Variants in CYP2J2 observed in about 807,000 individuals in gnomAD.
CYP2J2 encodes cytochrome P450 family 2 subfamily J member 2.
In CYP2J2, 41 loss-of-function variants were observed where a neutral mutation model predicts 48.8. The ratio of observed to expected loss-of-function variants is 0.84; its 90% CI spans 0.66 to 1.09. The LOEUF (loss-of-function observed/expected upper bound fraction) is 1.09, where lower values mean the gene tolerates loss of function less well. CYP2J2 is among the 50% of genes least tolerant of loss of function. The pLI, the probability that CYP2J2 is intolerant of heterozygous loss-of-function variation, is 0.00. For synonymous variants in CYP2J2, 221 were observed against 227.1 expected, an observed-to-expected ratio of 0.97 and a Z score of 0.24; for missense variants, 644 against 617.3, an observed-to-expected ratio of 1.04 and a Z score of -0.46.
the CYP2J2 span, among the ~76,000 whole-genome samples, chr1:59,966,760 C>T: frequency 5.3e-5 from 8 of 152,174 alleles, no homozygotes; most frequent in African/African-American, 1.9e-4. Flanking sequence ...TTATCTGTGA[C>T]TGTCTTCACA....
chr1:59,916,394 A>T (rs921300534), intron 1 of CYP2J2, among the ~76,000 whole-genome samples: 2 of 152,240 alleles, frequency 1.3e-5, no homozygotes, highest in Non-Finnish European at 2.9e-5. Flanking sequence ...GTGAGCATCT[A>T]TCATGTGTCC....
In CYP2J2 at chr1:59,905,000, G is replaced by T. The variant is rs536050234; in HGVS notation, c.1062C>A (p.Ala354=). ...VIGQGQQPST[A]ARESMPYTNA... is the part of the protein sequence containing the mutation. The stretch of plus-strand genomic sequence containing the variant: ...TGGTGTAGGGCATGGACTCCCGGGC[G>T]GCTGTGCTCGGCTGCTGCCCCTGGC... Residue 354 remains alanine (A), a synonymous_variant, in exon 7 of 9, where the codon GCC becomes GCA. Coordinates refer to ENST00000371204, the MANE Select transcript of CYP2J2 (RefSeq NM_000775.4). The T allele has an allele frequency of 4.9e-5, 79 of 1,613,880 alleles. 1 individual carries two copies. In the South Asian group the frequency reaches 7.8e-4, roughly 16 times the overall value.
At chr1:59,895,908 C>G (rs1644264952) in intron 8 of CYP2J2, among the ~76,000 whole-genome samples, 1 of 152,102 alleles carries the variant, frequency 6.6e-6, no homozygotes, top group Non-Finnish European at 1.5e-5. Context: ...TATTTATTCA[C>G]TCATTTATTG....
chr1:59,907,957 T>C (rs1461429887), intron 5 of CYP2J2, 30 bp from the exon 6 acceptor site: 5 of 1,612,076 alleles, frequency 3.1e-6, no homozygotes, highest in Non-Finnish European at 4.2e-6. Context: ...ATGTTATTTA[T>C]TGGTTTATTC....
intron 6 of CYP2J2, 112 bp from the exon 7 acceptor site, chr1:59,905,170 G>T: frequency 1.8e-6 from 2 of 1,104,564 alleles, no homozygotes; most frequent in Non-Finnish European, 2.5e-6. Flanking sequence ...TGACCAGGTT[G>T]CAAGAAATAA....
At chr1:59,931,384 G>C (rs2102147636), upstream of CYP2J2, among the ~76,000 whole-genome samples, 1 of 152,128 alleles carries the variant, frequency 6.6e-6, no homozygotes, top group South Asian at 2.1e-4. Context: ...GCCCAACCAA[G>C]TTCTCAGCAT....
the CYP2J2 span, among the ~76,000 whole-genome samples, chr1:59,949,578 T>C: frequency 2.6e-5 from 4 of 152,138 alleles, no homozygotes; most frequent in East Asian, 5.8e-4. Context: ...TTCCATAAAG[T>C]CTGCAGGCTA....
chr1:59,904,085 T>C (rs1644344147), intron 7 of CYP2J2, among the ~76,000 whole-genome samples: 1 of 152,130 alleles, frequency 6.6e-6, no homozygotes, highest in Admixed American at 6.6e-5. Context: ...TAATAAATTA[T>C]ACATCTGTCA....
chr1:59,958,498 G>A, the CYP2J2 span, among the ~76,000 whole-genome samples: 1 of 149,000 alleles, frequency 6.7e-6, no homozygotes, highest in Non-Finnish European at 1.5e-5. Flanking sequence ...CACTGGAACT[G>A]GAAGTGGGCA....
intron 6 of CYP2J2, among the ~76,000 whole-genome samples, chr1:59,907,286 C>T (rs3754205): frequency 0.083 from 12,686 of 152,002 alleles, 810 homozygotes; most frequent in African/African-American, 0.18. Flanking sequence ...GCATCTATCA[C>T]GACATAGAGG....
In CYP2J2 at chr1:59,907,799, G is replaced by T. The variant is rs150250306; in HGVS notation, c.990C>A (p.Tyr330Ter). Reference protein sequence around the residue: ...LRWALLYMALYPEIQEKVQAE... With the variant: ...LRWALLYMAL Reference sequence around the variant, plus strand: ...TGACATGCTCACCTTGGATTTCTGGGTAGAGGGCCATATAAAGCAGAGCCC... The same window carrying T: ...TGACATGCTCACCTTGGATTTCTGGTTAGAGGGCCATATAAAGCAGAGCCC... Residue 330 changes from tyrosine (Y) to a stop codon, truncating the protein, a stop_gained, in exon 6 of 9, where the codon TAC (tyrosine) becomes TAA (stop). Transcript: ENST00000371204. LOFTEE classifies it high-confidence loss of function. The T allele has an allele frequency of 1.4e-5, 22 of 1,613,910 alleles. No individual in the cohort carries two copies. Among genetic ancestry groups the T allele is most frequent in the Non-Finnish European group, 1.6e-5 (19 of 1,179,898 alleles).
At chr1:59,956,509 G>A in the CYP2J2 span, among the ~76,000 whole-genome samples, 1 of 152,006 alleles carries the variant, frequency 6.6e-6, no homozygotes, top group Non-Finnish European at 1.5e-5. Context: ...CTATGTTTTT[G>A]TCTTTCTATC....
rs567356390 is a variant in CYP2J2, at chr1:59,894,368, C to A, written c.1331-539G>T. On this transcript the variant is annotated intron_variant, in intron 8 of 8. Transcript: ENST00000371204. ...CCCTCTGTATTGCGACTGCTTTGGC[C>A]TTCCTCCTTCAGTGGTTCTTCTTAT... is the stretch of plus-strand genomic sequence containing the variant. Among the ~76,000 whole-genome samples the A allele has an allele frequency of 2.6e-5, 4 of 152,288 alleles. No individual in the cohort carries two copies. The South Asian group carries it at 8.3e-4, about 32-fold the overall frequency.
At chr1:59,964,836 A>G in the CYP2J2 span, among the ~76,000 whole-genome samples, 1 of 152,224 alleles carries the variant, frequency 6.6e-6, no homozygotes, top group Non-Finnish European at 1.5e-5. Flanking sequence ...AAATAACATG[A>G]TCTGGCTTAG....
chr1:59,962,838 T>G, the CYP2J2 span, among the ~76,000 whole-genome samples: 1 of 152,174 alleles, frequency 6.6e-6, no homozygotes, highest in Non-Finnish European at 1.5e-5. Flanking sequence ...GGCTCTACTA[T>G]AGAGTAAACA....
At chr1:59,950,129 C>T in the CYP2J2 span, among the ~76,000 whole-genome samples, 2 of 152,152 alleles carry the variant, frequency 1.3e-5, no homozygotes, top group East Asian at 3.9e-4. Flanking sequence ...CAGCTAAAGA[C>T]TCTAAGAAGC....
chr1:59,904,744 T>C (rs1644350515), intron 7 of CYP2J2, 127 bp downstream of exon 7: 2 of 766,600 alleles, frequency 2.6e-6, no homozygotes. Flanking sequence ...GAAAATCTAG[T>C]ATTATATCAG....
At chr1:59,966,881 G>C in the CYP2J2 span, among the ~76,000 whole-genome samples, 2 of 152,062 alleles carry the variant, frequency 1.3e-5, no homozygotes, top group Non-Finnish European at 2.9e-5. Context: ...TTACTTTCTG[G>C]ATGGTTGTTT....
upstream of CYP2J2, chr1:59,926,872 G>A (rs1339121164): frequency 2.4e-6 from 2 of 829,222 alleles, no homozygotes; most frequent in African/African-American, 1.7e-5. Flanking sequence ...AGCACCCTGC[G>A]AAGATGCCAG....
Sources: gnomAD v4.1 joint callset for allele counts (sites outside exome capture counted in the v4.1 genomes callset) on GRCh38, gnomAD v4.1.1 for gene constraint, MANE v1.5 for transcripts, NCBI Gene and HGNC (gene_info 2026-07-23, HGNC 2026-07-21) for gene names.